Variants in PPCS observed in about 807,000 individuals in gnomAD.
PPCS encodes the protein phosphopantothenoylcysteine synthetase, also known as phosphopantothenate--cysteine ligase.
A neutral mutation model predicts 24.6 loss-of-function variants in PPCS; 17 were observed. The observed-to-expected ratio is 0.69, with a 90% CI of 0.47 to 1.04. The LOEUF (loss-of-function observed/expected upper bound fraction) is 1.04, where lower values mean the gene tolerates loss of function less well. Among genes scored for constraint, PPCS ranks in the 50% least tolerant of loss-of-function variants. The pLI, the probability that PPCS is intolerant of heterozygous loss-of-function variation, is 0.00. For missense variants in PPCS, 360 were observed against 402.8 expected, an observed-to-expected ratio of 0.89 and a Z score of 0.91; for synonymous variants, 190 against 168.3, an observed-to-expected ratio of 1.13 and a Z score of -1.00.
intron 2 of PPCS, among the ~76,000 whole-genome samples, chr1:42,470,947 G>A (rs1314731791): frequency 2.0e-5 from 3 of 152,144 alleles, no homozygotes; most frequent in Non-Finnish European, 4.4e-5. Flanking sequence ...GGTTAAAATG[G>A]TAAATTTTAA....
chr1:42,459,735 AT>A lies in PPCS; in HGVS notation c.748del (p.Tyr250IlefsTer21). The A allele has an allele frequency of 6.2e-7, 1 of 1,614,206 alleles. No individual in the cohort carries two copies. The highest frequency in any genetic ancestry group is 8.5e-7 in the Non-Finnish European group (1 of 1,180,036). On this transcript the variant is annotated frameshift_variant, in exon 3 of 3. Transcript: ENST00000372561. LOFTEE classifies it high-confidence loss of function. ...VINRARKALEIYQHQVVVANI... is the reference protein window; with the variant it reads ...VINRARKALEXYQHQVVVANI... The stretch of plus-strand genomic sequence containing the variant: ...TAATCGAGCTCGGAAGGCTTTGGAA[AT>A]TTATCAGCATCAAGTGGTGGTGGCT...
downstream of PPCS, among the ~76,000 whole-genome samples, chr1:42,465,778 T>C (rs1294149756): frequency 1.3e-5 from 2 of 152,196 alleles, no homozygotes; most frequent in Non-Finnish European, 2.9e-5. Flanking sequence ...TACTGACATA[T>C]AGTTGGTAGA....
downstream of PPCS, among the ~76,000 whole-genome samples, chr1:42,465,341 A>G (rs1275420866): frequency 1.4e-4 from 21 of 151,992 alleles, no homozygotes; most frequent in Non-Finnish European, 1.5e-5. Flanking sequence ...ATTCTAGGAC[A>G]GTTTTTTTTG....
Position 42,456,932 on chromosome 1 carries a change from A to G in PPCS, c.367A>G (p.Asn123Asp). 6.2e-7 allele frequency: 1 copy of G among 1,608,442 alleles called. No homozygotes were observed. Among genetic ancestry groups the G allele is most frequent in the Non-Finnish European group, 8.5e-7 (1 of 1,179,976 alleles). ...SGLLSLEAEENALPGFAEALR... is the reference protein window; with the variant it reads ...SGLLSLEAEEDALPGFAEALR... ...CTTGCTGAGCCTGGAGGCCGAGGAGAATGCACTTCCGGGTTTTGCTGAGGC... is the reference window on the plus strand; with the variant it reads ...CTTGCTGAGCCTGGAGGCCGAGGAGGATGCACTTCCGGGTTTTGCTGAGGC... Residue 123 changes from asparagine (N) to aspartate (D), a missense_variant, in exon 1 of 3, where the codon AAT becomes GAT. Coordinates refer to ENST00000372561, the MANE Select transcript of PPCS (RefSeq NM_024664.4).
Position 42,460,095 on chromosome 1 carries a change from G to GA in PPCS, c.*170dup, listed in dbSNP as rs1643370805. ...TTTGTCTTTTAATGACACCTGATAT[G>GA]ATGTCATTTTGATTTTGAAATTGAA... On this transcript the variant is annotated 3_prime_UTR_variant, in exon 3 of 3. Transcript: ENST00000372561. 3 of 1,369,512 alleles carry GA rather than the reference G, an allele frequency of 2.2e-6. No individual in the cohort carries two copies. Among genetic ancestry groups the GA allele is most frequent in the Admixed American group, 6.6e-5 (2 of 30,492 alleles). 84.8% of individuals were successfully genotyped at this position (1,369,512 alleles called of 1,614,324 possible).
Position 42,460,008 on chromosome 1 carries a change from A to G in PPCS, c.*82A>G. On this transcript the variant is annotated 3_prime_UTR_variant, in exon 3 of 3. Coordinates refer to ENST00000372561, the MANE Select transcript of PPCS (RefSeq NM_024664.4). ...CTACAAAAAAAACCATGGCTTTCAT[A>G]TGGACAGATAAAATGAAAGAAAGGG... is the stretch of plus-strand genomic sequence containing the variant. The G allele has an allele frequency of 6.7e-7, 1 of 1,484,514 alleles. No homozygotes were observed. The highest frequency in any genetic ancestry group is 2.5e-5 in the Admixed American group (1 of 40,504). The allele number at this position is 1,484,514 out of a possible 1,614,324, so 92.0% of individuals were successfully genotyped here.
chr1:42,470,464 A>C (rs1643732763), intron 2 of PPCS, among the ~76,000 whole-genome samples: 1 of 152,230 alleles, frequency 6.6e-6, no homozygotes, highest in South Asian at 2.1e-4. Context: ...ACTCCTACGT[A>C]TATACCCCAA....
intron 2 of PPCS, among the ~76,000 whole-genome samples, chr1:42,470,525 ATCATTC>A (rs1481345946): frequency 2.0e-5 from 3 of 152,264 alleles, no homozygotes; most frequent in African/African-American, 7.2e-5. Flanking sequence ...TCATAGCAGC[ATCATTC>A]ACAATAGTTG....
At chr1:42,461,361 GGTCATGCTTA>G (rs1353255950), downstream of PPCS, among the ~76,000 whole-genome samples, 6 of 152,238 alleles carry the variant, frequency 3.9e-5, no homozygotes, top group South Asian at 1.2e-3. Context: ...TTAGAGACAA[GGTCATGCTTA>G]GTCACCCAGG....
downstream of PPCS, among the ~76,000 whole-genome samples, chr1:42,465,275 C>A (rs376702561): frequency 6.6e-6 from 1 of 152,156 alleles, no homozygotes; most frequent in Non-Finnish European, 1.5e-5. Flanking sequence ...CGCACCACTG[C>A]GCTCCAACCT....
chr1:42,471,318 T>C (rs558995712), intron 2 of PPCS, among the ~76,000 whole-genome samples: 15 of 152,310 alleles, frequency 9.8e-5, no homozygotes, highest in Admixed American at 9.8e-4. Context: ...AGCATGGGGA[T>C]TATGCTGTTG....
chr1:42,467,645 C>G (rs923999704), intron 2 of PPCS: 5 of 152,318 alleles, frequency 3.3e-5, no homozygotes, highest in Admixed American at 3.3e-4. Flanking sequence ...TTATATTGCC[C>G]TCTTAGCTTA....
intron 2 of PPCS, among the ~76,000 whole-genome samples, chr1:42,469,639 C>T (rs1004246820): frequency 2.0e-5 from 3 of 151,838 alleles, no homozygotes; most frequent in African/African-American, 4.8e-5. Flanking sequence ...TGGGATGGGG[C>T]CTAGAATACA....
chr1:42,456,940 TC>T lies in PPCS; in HGVS notation c.377del (p.Pro126ArgfsTer7). The T allele has an allele frequency of 6.2e-7, 1 of 1,607,206 alleles. No individual in the cohort carries two copies. The highest frequency in any genetic ancestry group is 8.5e-7 in the Non-Finnish European group (1 of 1,179,998). On this transcript the variant is annotated frameshift_variant, in exon 1 of 3. Coordinates refer to ENST00000372561, the MANE Select transcript of PPCS (RefSeq NM_024664.4). LOFTEE classifies it high-confidence loss of function. ...LSLEAEENAL[P>X]GFAEALRSYQ... Reference sequence around the variant, plus strand: ...GCCTGGAGGCCGAGGAGAATGCACTTCCGGGTTTTGCTGAGGCTCTGAGGAG... The same window carrying T: ...GCCTGGAGGCCGAGGAGAATGCACTTCGGGTTTTGCTGAGGCTCTGAGGAG...
Position 42,458,701 on chromosome 1 carries a change from A to G in PPCS, c.613-902A>G, listed in dbSNP as rs536580097. ...TTAGCTTAGTGATTTCACGCTTTTT[A>G]ATCTCTGGGATCTTTAGTTTATCCC... On this transcript the variant is annotated intron_variant, in intron 2 of 2. Coordinates refer to ENST00000372561, the MANE Select transcript of PPCS (RefSeq NM_024664.4). 3.2e-4 allele frequency among the ~76,000 whole-genome samples: 48 copies of G among 152,318 alleles called. No homozygotes were observed. The South Asian group carries it at 9.5e-3, about 30-fold the overall frequency.
chr1:42,457,955 CAA>C (rs547006454), intron 2 of PPCS, among the ~76,000 whole-genome samples: 5 of 101,100 alleles, frequency 4.9e-5, no homozygotes, highest in Admixed American at 1.1e-4. Flanking sequence ...TACTCCGTCG[CAA>C]AAAAAAAAAA....
Position 42,456,900 on chromosome 1 carries a change from T to C in PPCS, c.335T>C (p.Leu112Pro), listed in dbSNP as rs780057325. 14 of 1,612,040 alleles carry C rather than the reference T, an allele frequency of 8.7e-6. No individual in the cohort carries two copies. In the East Asian group the frequency reaches 2.0e-4, roughly 23 times the overall value. ...GCTCTGCGGCCTTCGGGCCCAGCCC[T>C]TTCGGGCTTGCTGAGCCTGGAGGCC... ...LSALRPSGPA[L>P]SGLLSLEAEE... Residue 112 changes from leucine (L) to proline (P), a missense_variant, in exon 1 of 3, where the codon CTT (leucine) becomes CCT (proline). Leu to Pro is a moderately conservative substitution (Grantham distance 98). This residue lies in a region of PPCS where 244 missense variants were observed against 234.7 expected (regional missense o/e 1.04). Transcript: ENST00000372561.
At position 42,457,370 on chromosome 1, in the gene PPCS, C is replaced by T; in HGVS notation, c.612+20C>T. ...CTGCAGGTGATGGGCGCTTCTCTTC[C>T]AGAGATCTAATCCCATATAACCAAT... On this transcript the variant is annotated intron_variant, in intron 2 of 2. Coordinates refer to ENST00000372561, the MANE Select transcript of PPCS (RefSeq NM_024664.4). 6.3e-7 allele frequency: 1 copy of T among 1,593,426 alleles called. No individual in the cohort carries two copies. The highest frequency in any genetic ancestry group is 8.6e-7 in the Non-Finnish European group (1 of 1,161,228).
chr1:42,471,295 A>G (rs1199880858), intron 2 of PPCS, among the ~76,000 whole-genome samples: 4 of 151,860 alleles, frequency 2.6e-5, no homozygotes, highest in Admixed American at 1.3e-4. Context: ...AGACTCCCCT[A>G]CTCCACCCCT....
Sources: gnomAD v4.1 joint callset for allele counts (sites outside exome capture counted in the v4.1 genomes callset) on GRCh38, gnomAD v4.1.1 for gene constraint, gnomAD v4.1.1 regional missense constraint, MANE v1.5 for transcripts, NCBI Gene and HGNC (gene_info 2026-07-23, HGNC 2026-07-21) for gene names.